The following MGAT4D variants were observed in gnomAD, a reference collection of about 807,000 sequenced individuals.
MGAT4D encodes MGAT4 family member D.
MGAT4D carries 34 observed loss-of-function variants against 15.9 expected under a neutral mutation model. That is an observed-to-expected ratio of 2.14 (90% CI 1.62 to 2.84). MGAT4D has a LOEUF of 2.84. Ranked by LOEUF, MGAT4D falls within the 30% of genes most tolerant of loss-of-function variation. The pLI is 0.00. For missense variants in MGAT4D, 327 were observed against 140.2 expected, an observed-to-expected ratio of 2.33 and a Z score of -6.73; for synonymous variants, 112 against 48.2, an observed-to-expected ratio of 2.33 and a Z score of -5.49.
At chr4:140,449,291 A>T (rs1730320664) in intron 10 of MGAT4D, among the ~76,000 whole-genome samples, 1 of 152,242 alleles carries the variant, frequency 6.6e-6, no homozygotes, top group Non-Finnish European at 1.5e-5. Context: ...ATTTAAACTG[A>T]CAATCTAGGC....
intron 10 of MGAT4D, among the ~76,000 whole-genome samples, chr4:140,446,279 C>G (rs1181305773): frequency 6.6e-6 from 1 of 152,142 alleles, no homozygotes; most frequent in African/African-American, 2.4e-5. Context: ...TAGAATTTGG[C>G]TGTGAATCTG....
intron 3 of MGAT4D, among the ~76,000 whole-genome samples, chr4:140,475,650 A>G (rs1732262401): frequency 6.7e-6 from 1 of 149,156 alleles, no homozygotes. Flanking sequence ...AGAAAGCGGT[A>G]ATAAAACTGC....
At chr4:140,473,129 C>A (rs1342329593) in intron 4 of MGAT4D, among the ~76,000 whole-genome samples, 1 of 151,776 alleles carries the variant, frequency 6.6e-6, no homozygotes, top group African/African-American at 2.4e-5. Flanking sequence ...TCATTTGTTT[C>A]TATATATTTT....
intron 7 of MGAT4D, among the ~76,000 whole-genome samples, chr4:140,459,866 G>A (rs762186271): frequency 2.8e-5 from 4 of 140,938 alleles, no homozygotes; most frequent in Non-Finnish European, 6.0e-5. Context: ...GTGCAGTTGC[G>A]TGACTGCAGG....
intron 1 of MGAT4D, among the ~76,000 whole-genome samples, chr4:140,485,684 C>T (rs1332818051): frequency 6.7e-6 from 1 of 150,368 alleles, no homozygotes; most frequent in Admixed American, 6.6e-5. Context: ...ATGGCTCACA[C>T]CTGTAAACCC....
chr4:140,483,235 G>A (rs2874478), intron 1 of MGAT4D, among the ~76,000 whole-genome samples: 37,619 of 151,904 alleles, frequency 0.25, 5,031 homozygotes, highest in East Asian at 0.48. Context: ...TCCACTAACA[G>A]CAAACTATCC....
chr4:140,455,244 G>A (rs995677203), intron 9 of MGAT4D, among the ~76,000 whole-genome samples: 2 of 152,040 alleles, frequency 1.3e-5, no homozygotes, highest in African/African-American at 4.8e-5. Flanking sequence ...CAGTGCTTTA[G>A]CTGCATTCCA....
chr4:140,490,958 G>A (rs1733463665), intron 1 of MGAT4D, among the ~76,000 whole-genome samples: 1 of 151,976 alleles, frequency 6.6e-6, no homozygotes, highest in African/African-American at 2.4e-5. Flanking sequence ...TATTATTTTA[G>A]TGGTTCAACT....
At chr4:140,493,193 G>A (rs1334934267) in intron 1 of MGAT4D, among the ~76,000 whole-genome samples, 1 of 151,656 alleles carries the variant, frequency 6.6e-6, no homozygotes, top group East Asian at 1.9e-4. Context: ...AAAGTTACCC[G>A]ATGCCTCGGC....
chr4:140,491,513 G>C (rs1214854911), intron 1 of MGAT4D, among the ~76,000 whole-genome samples: 2 of 152,188 alleles, frequency 1.3e-5, no homozygotes, highest in Non-Finnish European at 2.9e-5. Context: ...TAAGCCAAGA[G>C]GGGGAACATA....
chr4:140,444,803 A>G (rs1421901689), intron 10 of MGAT4D, among the ~76,000 whole-genome samples: 1 of 151,794 alleles, frequency 6.6e-6, no homozygotes, highest in African/African-American at 2.4e-5. Context: ...GCTTTCCATG[A>G]TGATTGAACT....
At chr4:140,452,419 T>C (rs1219014933) in intron 9 of MGAT4D, among the ~76,000 whole-genome samples, 2 of 152,204 alleles carry the variant, frequency 1.3e-5, no homozygotes, top group Non-Finnish European at 2.9e-5. Context: ...AGAGTTAATT[T>C]AATTTGAAAC....
chr4:140,443,787 T>G (rs1051777908), intron 10 of MGAT4D, among the ~76,000 whole-genome samples: 4 of 152,136 alleles, frequency 2.6e-5, no homozygotes, highest in Non-Finnish European at 4.4e-5. Flanking sequence ...TTTTATTTGA[T>G]TTTTATAACA....
chr4:140,451,359 A>G, intron 10 of MGAT4D, 51 bp downstream of exon 10: 1 of 505,734 alleles, frequency 2.0e-6, no homozygotes. Context: ...ATAGTATTTT[A>G]TAAGTTTATA....
chr4:140,467,588 A>G (rs1731625057), intron 5 of MGAT4D, among the ~76,000 whole-genome samples: 1 of 152,134 alleles, frequency 6.6e-6, no homozygotes, highest in African/African-American at 2.4e-5. Context: ...TAAGCAAGAT[A>G]CTTGAAATTT....
At chr4:140,485,850 C>CAAAAAAAAAA (rs1578712314) in intron 1 of MGAT4D, among the ~76,000 whole-genome samples, 4 of 41,944 alleles carry the variant, frequency 9.5e-5, no homozygotes, top group South Asian at 8.7e-4. Flanking sequence ...AAAAAAAAAG[C>CAAAAAAAAAA]AATGATGATA....
At chr4:140,458,439 A>C (rs1426337140) in intron 8 of MGAT4D, 1 of 152,236 alleles carries the variant, frequency 6.6e-6, no homozygotes, top group Admixed American at 6.5e-5. Context: ...AGATGAAAGC[A>C]CAGACAGTGA....
chr4:140,475,267 T>C (rs1732236328), intron 3 of MGAT4D, among the ~76,000 whole-genome samples: 2 of 152,144 alleles, frequency 1.3e-5, no homozygotes, highest in Admixed American at 1.3e-4. Context: ...GTATAAAATG[T>C]CACATATTGG....
rs61131099 is a variant in MGAT4D at position 140,485,810 on chromosome 4, T to TAAAAAAAAAAAA, written c.95-3337_95-3326dup. 4.3e-3 allele frequency among the ~76,000 whole-genome samples: 56 copies of TAAAAAAAAAAAA among 13,022 alleles called. 16 individuals carry two copies. The highest frequency in any genetic ancestry group is 6.5e-3 in the Non-Finnish European group (47 of 7,246). The allele number at this position is 13,022 out of a possible 152,430, so 8.5% of individuals were successfully genotyped here. ...TGAGCAACAGAGCAAGACCCTGTCT[T>TAAAAAAAAAAAA]AAAAAAAAAAAAAAAAAAAAAAAAA... On this transcript the variant is annotated intron_variant, in intron 1 of 10. Coordinates refer to ENST00000511113, the MANE Select transcript of MGAT4D (RefSeq NM_001277353.2).
Sources: allele counts gnomAD v4.1 joint callset (sites outside exome capture counted in the v4.1 genomes callset), GRCh38; gene constraint gnomAD v4.1.1; transcripts MANE v1.5; gene names NCBI Gene and HGNC (gene_info 2026-07-23, HGNC 2026-07-21).